SPON1: variants seen among roughly 807,000 people sequenced by gnomAD.
SPON1 encodes spondin 1.
In SPON1, 52 loss-of-function variants were observed where a neutral mutation model predicts 111.7. The ratio of observed to expected loss-of-function variants is 0.47; its 90% CI spans 0.37 to 0.59. SPON1 has a LOEUF of 0.59. Among genes scored for constraint, SPON1 ranks in the 20% least tolerant of loss-of-function variants. SPON1 has a pLI of 0.00. For synonymous variants in SPON1, 410 were observed against 395.8 expected, an observed-to-expected ratio of 1.04 and a Z score of -0.43; for missense variants, 957 against 1,068.5, an observed-to-expected ratio of 0.90 and a Z score of 1.46.
At chr11:14,052,030 G>A (rs1369698812) in intron 3 of SPON1, among the ~76,000 whole-genome samples, 2 of 152,176 alleles carry the variant, frequency 1.3e-5, no homozygotes, top group African/African-American at 4.8e-5. Context: ...CACTGACTAA[G>A]CTTGACTCCC....
intron 6 of SPON1, among the ~76,000 whole-genome samples, chr11:14,237,799 A>T (rs941594328): frequency 6.6e-6 from 1 of 152,198 alleles, no homozygotes; most frequent in Non-Finnish European, 1.5e-5. Flanking sequence ...ACATGGTCTG[A>T]TATTCTTCCA....
intron 5 of SPON1, among the ~76,000 whole-genome samples, chr11:14,082,103 G>T (rs1446531786): frequency 6.6e-6 from 1 of 151,922 alleles, no homozygotes; most frequent in African/African-American, 2.4e-5. Flanking sequence ...TTAGGGGCCC[G>T]TTACTCATCT....
intron 2 of SPON1, among the ~76,000 whole-genome samples, chr11:14,032,685 G>C (rs1245250348): frequency 6.6e-6 from 1 of 152,176 alleles, no homozygotes; most frequent in African/African-American, 2.4e-5. Context: ...AAGTGGCAGA[G>C]CCATGATTTA....
At chr11:14,095,278 T>C (rs1554923768) in intron 5 of SPON1, among the ~76,000 whole-genome samples, 1 of 151,816 alleles carries the variant, frequency 6.6e-6, no homozygotes, top group African/African-American at 2.4e-5. Flanking sequence ...CTTAGCACCA[T>C]GCCTAGAAGA....
At chr11:14,175,531 A>G (rs1554932998) in intron 6 of SPON1, among the ~76,000 whole-genome samples, 1 of 152,180 alleles carries the variant, frequency 6.6e-6, no homozygotes, top group African/African-American at 2.4e-5. Flanking sequence ...ACAGAAAGAC[A>G]AATTCTTATT....
chr11:14,163,265 T>C (rs1554931566), intron 6 of SPON1, among the ~76,000 whole-genome samples: 1 of 152,216 alleles, frequency 6.6e-6, no homozygotes, highest in Non-Finnish European at 1.5e-5. Context: ...AAATGGAGGC[T>C]CAAAGGAATG....
chr11:14,179,673 A>G (rs1401395631), intron 6 of SPON1, among the ~76,000 whole-genome samples: 2 of 152,084 alleles, frequency 1.3e-5, no homozygotes, highest in Non-Finnish European at 2.9e-5. Flanking sequence ...ACATTCTCCT[A>G]TGTTATTATC....
chr11:14,163,585 T>C (rs1554931606), intron 6 of SPON1, among the ~76,000 whole-genome samples: 1 of 151,694 alleles, frequency 6.6e-6, no homozygotes. Flanking sequence ...GCATCCTCCA[T>C]TCCCTCTTTC....
Position 14,260,721 on chromosome 11 carries a change from G to C in SPON1, c.1965G>C (p.Glu655Asp), listed in dbSNP as rs1554941834. Residue 655 changes from glutamate to aspartate, a missense_variant, in exon 14 of 16, where the codon GAG (glutamate) becomes GAC (aspartate). Glu to Asp is a conservative substitution (Grantham distance 45). Around this residue, in one of 5 missense-constraint regions of SPON1, gnomAD observed 549 missense variants for 606.2 expected, o/e 0.91. Transcript: ENST00000576479. ...TTGGAGACTGCAATGAGGATCTGGA[G>C]CAGGTGGAGAAGTGCATGCTCCCTG... ...AELGDCNEDL[E>D]QVEKCMLPEC... is the part of the protein sequence containing the mutation. 1 of 1,613,992 alleles carries C rather than the reference G, an allele frequency of 6.2e-7. No individual in the cohort carries two copies. The highest frequency in any genetic ancestry group is 2.2e-5 in the East Asian group (1 of 44,878).
At chr11:14,125,543 G>A (rs1464458129) in intron 5 of SPON1, among the ~76,000 whole-genome samples, 1 of 152,220 alleles carries the variant, frequency 6.6e-6, no homozygotes, top group Non-Finnish European at 1.5e-5. Flanking sequence ...GGGTGAGGCT[G>A]AGGTTAGACA....
intron 3 of SPON1, among the ~76,000 whole-genome samples, chr11:14,074,774 G>T (rs1554921248): frequency 1.3e-5 from 2 of 152,270 alleles, no homozygotes; most frequent in Middle Eastern, 6.8e-3. Flanking sequence ...CAAATTCTAA[G>T]ATCCTGCATT....
intron 6 of SPON1, among the ~76,000 whole-genome samples, chr11:14,174,544 GTT>G: frequency 6.7e-6 from 1 of 149,668 alleles, no homozygotes; most frequent in African/African-American, 2.4e-5. Context: ...AAACAGAGGG[GTT>G]TTTTTTTTCC....
At chr11:14,044,575 G>T (rs1450294048) in intron 3 of SPON1, among the ~76,000 whole-genome samples, 1 of 152,170 alleles carries the variant, frequency 6.6e-6, no homozygotes, top group African/African-American at 2.4e-5. Context: ...CTGTGCCACC[G>T]CACTCCAGCC....
chr11:14,164,307 TTTTAATATCAGGATACC>T (rs1564920950), intron 6 of SPON1, among the ~76,000 whole-genome samples: 1 of 152,208 alleles, frequency 6.6e-6, no homozygotes, highest in Non-Finnish European at 1.5e-5. Context: ...CTCCCACTCC[TTTTAATATCAGGATACC>T]AGTTGTCAGC....
At chr11:14,084,759 C>T (rs1848992045) in intron 5 of SPON1, among the ~76,000 whole-genome samples, 1 of 152,168 alleles carries the variant, frequency 6.6e-6, no homozygotes, top group African/African-American at 2.4e-5. Flanking sequence ...ATTTACACTC[C>T]CACCAACAGT....
intron 5 of SPON1, among the ~76,000 whole-genome samples, chr11:14,122,933 A>ATTTTTTT (rs34948884): frequency 5.3e-5 from 7 of 132,556 alleles, no homozygotes; most frequent in Admixed American, 2.3e-4. Context: ...TGCTCTTGTA[A>ATTTTTTT]TTTTTTTTTT....
At chr11:14,076,031 G>A (rs74325393) in intron 4 of SPON1, among the ~76,000 whole-genome samples, 1,541 of 152,216 alleles carry the variant, frequency 0.01, 27 homozygotes, top group African/African-American at 0.036. Context: ...GCCCAGGTTC[G>A]GATCTGCCTC....
At chr11:14,032,642 G>A (rs1485134581) in intron 2 of SPON1, among the ~76,000 whole-genome samples, 2 of 152,212 alleles carry the variant, frequency 1.3e-5, no homozygotes, top group Admixed American at 6.5e-5. Context: ...GAGAGGTCAA[G>A]TAGCTTGGTG....
intron 6 of SPON1, among the ~76,000 whole-genome samples, chr11:14,160,762 T>A (rs1383364645): frequency 6.9e-5 from 3 of 43,690 alleles, no homozygotes; most frequent in African/African-American, 2.9e-4. Flanking sequence ...TTATATATAT[T>A]TATATATTTA....
Sources: allele counts gnomAD v4.1 joint callset (sites outside exome capture counted in the v4.1 genomes callset), GRCh38; gene constraint gnomAD v4.1.1; regional missense constraint gnomAD v4.1.1; transcripts MANE v1.5; gene names NCBI Gene and HGNC (gene_info 2026-07-23, HGNC 2026-07-21).